ANKRD13C: variants seen among roughly 807,000 people sequenced by gnomAD.
ANKRD13C encodes ankyrin repeat domain 13C, also known as ankyrin repeat domain-containing protein 13C.
A neutral mutation model predicts 65.5 loss-of-function variants in ANKRD13C; 16 were observed. That is an observed-to-expected ratio of 0.24 (90% CI 0.17 to 0.37). The LOEUF is 0.37. ANKRD13C is among the 10% of genes least tolerant of loss of function. The pLI is 1.00. For missense variants in ANKRD13C, 503 were observed against 655.9 expected (o/e 0.77, Z 2.55); for synonymous variants, 235 against 238.7 (o/e 0.98, Z 0.14).
At chr1:70,280,312 T>C (rs977178546) in intron 9 of ANKRD13C, among the ~76,000 whole-genome samples, 1 of 152,104 alleles carries the variant, frequency 6.6e-6, no homozygotes, top group African/African-American at 2.4e-5. Context: ...GGTTGACTCC[T>C]GAATTGAGGA....
In ANKRD13C at chr1:70,354,713, C is replaced by A. The variant is rs1299567332; in HGVS notation, c.-305G>T. The stretch of plus-strand genomic sequence containing the variant: ...CCGAAAAACAGGGCACGGCCATCTT[C>A]CTCTTGCTCCTCTCGCGAGAGCTCC... On this transcript the variant is annotated 5_prime_UTR_variant, in exon 1 of 13. Transcript: ENST00000370944. 1 of 727,160 alleles carries A rather than the reference C, an allele frequency of 1.4e-6. No individual in the cohort carries two copies. The highest frequency in any genetic ancestry group is 2.2e-6 in the Non-Finnish European group (1 of 453,802). 45.0% of individuals were successfully genotyped at this position (727,160 alleles called of 1,614,324 possible). A position where few individuals can be genotyped will look rare whatever the true frequency, so the allele number is the denominator to read the frequency against.
chr1:70,351,164 A>G (rs1682727898), intron 1 of ANKRD13C, among the ~76,000 whole-genome samples: 1 of 152,192 alleles, frequency 6.6e-6, no homozygotes, highest in South Asian at 2.1e-4. Flanking sequence ...AAATGTTACA[A>G]TGTATGTAAA....
At chr1:70,337,093 T>C (rs1469054797) in intron 1 of ANKRD13C, among the ~76,000 whole-genome samples, 1 of 151,830 alleles carries the variant, frequency 6.6e-6, no homozygotes, top group East Asian at 1.9e-4. Context: ...ACATAAGAGA[T>C]GTGCATGTGA....
chr1:70,284,757 T>G (rs1322774186), intron 9 of ANKRD13C, among the ~76,000 whole-genome samples: 1 of 152,202 alleles, frequency 6.6e-6, no homozygotes, highest in Non-Finnish European at 1.5e-5. Context: ...TTACAATAAC[T>G]AAACCAGATA....
intron 9 of ANKRD13C, among the ~76,000 whole-genome samples, chr1:70,289,027 A>T (rs1679744122): frequency 6.6e-6 from 1 of 152,220 alleles, no homozygotes; most frequent in African/African-American, 2.4e-5. Flanking sequence ...CAGATTCAAC[A>T]TTATCCCAAT....
intron 12 of ANKRD13C, among the ~76,000 whole-genome samples, chr1:70,264,682 T>C (rs894714549): frequency 2.6e-5 from 4 of 152,068 alleles, no homozygotes; most frequent in African/African-American, 9.7e-5. Context: ...GCTGACCCCG[T>C]TCTAGGTTTT....
chr1:70,342,739 AACACACAC>A (rs373447795), intron 1 of ANKRD13C, among the ~76,000 whole-genome samples: 13 of 115,260 alleles, frequency 1.1e-4, no homozygotes, highest in Non-Finnish European at 2.5e-4. Flanking sequence ...CACACACAAT[AACACACAC>A]ACACACACAC....
intron 6 of ANKRD13C, among the ~76,000 whole-genome samples, chr1:70,303,595 A>C (rs1163445332): frequency 1.3e-5 from 2 of 152,194 alleles, no homozygotes; most frequent in Admixed American, 1.3e-4. Context: ...AATGTTGCTC[A>C]CACTTTCCTA....
rs1681287837 is a variant in ANKRD13C, at chr1:70,321,087, G to C, written c.577+3766C>G. Among the ~76,000 whole-genome samples, 6 of 152,198 alleles carry C rather than the reference G, an allele frequency of 3.9e-5. No individual in the cohort carries two copies. In the South Asian group the frequency reaches 1.2e-3, roughly 32 times the overall value. On this transcript the variant is annotated intron_variant, in intron 3 of 12. Transcript: ENST00000370944. ...ACTTTAAAGAAAAATTTTGATTCTT[G>C]ATACACAGTCTCGAATTTTCTTTGT...
chr1:70,306,127 A>T, intron 6 of ANKRD13C, 97 bp downstream of exon 6: 1 of 748,424 alleles, frequency 1.3e-6, no homozygotes, highest in Non-Finnish European at 2.0e-6. Context: ...ACAGCATTTT[A>T]ACGTCATAAA....
At chr1:70,352,339 CAA>C (rs397965041) in intron 1 of ANKRD13C, among the ~76,000 whole-genome samples, 22 of 60,760 alleles carry the variant, frequency 3.6e-4, no homozygotes, top group African/African-American at 1.1e-3. Context: ...GACTCCGTCT[CAA>C]AAAAAAAAAA....
At chr1:70,278,190 C>T (rs1362731796) in intron 9 of ANKRD13C, among the ~76,000 whole-genome samples, 2 of 131,654 alleles carry the variant, frequency 1.5e-5, no homozygotes, top group Admixed American at 1.6e-4. Flanking sequence ...CCCTGCCTCA[C>T]AGAAAAAAAA....
At chr1:70,306,391 TATA>T (rs1184993936) in intron 5 of ANKRD13C, 101 bp from the exon 6 acceptor site, 1 of 659,796 alleles carries the variant, frequency 1.5e-6, no homozygotes, top group African/African-American at 1.9e-5. Context: ...GTTATCAAAT[TATA>T]ATAATTTCCT....
chr1:70,276,745 T>C lies in ANKRD13C; in HGVS notation c.1295+20A>G. ...TTCTTTCTAAAAACCAAATAACACA[T>C]AAACAAGAAAAAAACTTACTTTCCA... On this transcript the variant is annotated intron_variant, in intron 10 of 12. Transcript: ENST00000370944. 2 of 1,550,332 alleles carry C rather than the reference T, an allele frequency of 1.3e-6. No homozygotes were observed. Among genetic ancestry groups the C allele is most frequent in the East Asian group, 2.3e-5 (1 of 44,304 alleles).
chr1:70,290,220 A>ATATATG (rs1323561070), intron 9 of ANKRD13C, among the ~76,000 whole-genome samples: 88 of 152,160 alleles, frequency 5.8e-4, no homozygotes, highest in African/African-American at 2.0e-3. Context: ...GATCTTTCTA[A>ATATATG]ATATTAAAAT....
chr1:70,274,047 G>A (rs763796641), intron 11 of ANKRD13C, among the ~76,000 whole-genome samples: 53 of 152,034 alleles, frequency 3.5e-4, no homozygotes, highest in African/African-American at 4.8e-4. Context: ...GCAAAAACAC[G>A]GATAACTCTA....
Position 70,319,270 on chromosome 1 carries a change from C to T in ANKRD13C, c.578-3704G>A, listed in dbSNP as rs182003850. Among the ~76,000 whole-genome samples the T allele has an allele frequency of 3.8e-3, 577 of 152,216 alleles. 7 individuals are homozygous for T. The highest frequency in any genetic ancestry group is 0.013 in the African/African-American group (547 of 41,530). ...TTATCATTACAACTTCATTTCCCAA[C>T]ACTGGTCTTTGCCCCTTCATCCATC... is the stretch of plus-strand genomic sequence containing the variant. On this transcript the variant is annotated intron_variant, in intron 3 of 12. Coordinates refer to ENST00000370944, the MANE Select transcript of ANKRD13C (RefSeq NM_030816.5).
chr1:70,332,655 G>A (rs531552683), intron 2 of ANKRD13C, among the ~76,000 whole-genome samples: 1 of 152,094 alleles, frequency 6.6e-6, no homozygotes, highest in East Asian at 1.9e-4. Flanking sequence ...TAGTAGAGAT[G>A]GGGTCTTGCC....
chr1:70,341,368 T>C (rs1466971713), intron 1 of ANKRD13C, among the ~76,000 whole-genome samples: 2 of 149,586 alleles, frequency 1.3e-5, no homozygotes, highest in Non-Finnish European at 3.0e-5. Context: ...TGTGTGTTTT[T>C]TTTTTTTTTT....
Sources: allele counts gnomAD v4.1 joint callset (sites outside exome capture counted in the v4.1 genomes callset), GRCh38; gene constraint gnomAD v4.1.1; transcripts MANE v1.5; gene names NCBI Gene and HGNC (gene_info 2026-07-23, HGNC 2026-07-21).